Variants in GPA33 observed in about 807,000 individuals in gnomAD.
GPA33 encodes the protein glycoprotein A33.
In GPA33, 27 loss-of-function variants were observed where a neutral mutation model predicts 35.6. The ratio of observed to expected loss-of-function variants is 0.76; its 90% CI spans 0.56 to 1.04. The LOEUF is 1.04. Among genes scored for constraint, GPA33 ranks in the 50% least tolerant of loss-of-function variants. The pLI is 0.00. For missense variants in GPA33, 428 were observed against 411.9 expected (o/e 1.04, Z -0.34); for synonymous variants, 176 against 164.0 (o/e 1.07, Z -0.56).
chr1:167,066,465 G>A (rs3767430), intron 3 of GPA33, among the ~76,000 whole-genome samples: 60,486 of 152,002 alleles, frequency 0.4, 13,748 homozygotes, highest in South Asian at 0.6. Context: ...GGCGGAATGT[G>A]TCAGTTCCCA....
intron 2 of GPA33, among the ~76,000 whole-genome samples, chr1:167,069,826 A>G (rs1366324934): frequency 6.6e-6 from 1 of 152,250 alleles, no homozygotes; most frequent in Non-Finnish European, 1.5e-5. Flanking sequence ...CAGTAGTAAT[A>G]TACACAAAGC....
At chr1:167,056,568 T>TGTGTA (rs1269712448) in intron 4 of GPA33, among the ~76,000 whole-genome samples, 4 of 67,538 alleles carry the variant, frequency 5.9e-5, no homozygotes, top group East Asian at 4.4e-4. Context: ...TGGTATGTGG[T>TGTGTA]GTGTGTGGCA....
chr1:167,090,324 A>G lies in GPA33; in HGVS notation c.-37T>C, dbSNP rs755395078. ...TTCTCTGCCCTAAACCTAACCTGTC[A>G]CTGGCAGCCTCCAGACAGGTCTGAG... On this transcript the variant is annotated 5_prime_UTR_variant, in exon 1 of 7. Coordinates refer to ENST00000367868, the MANE Select transcript of GPA33 (RefSeq NM_005814.3). 3.2e-6 allele frequency: 5 copies of G among 1,581,204 alleles called. No individual in the cohort carries two copies. The South Asian group carries it at 5.5e-5, about 18-fold the overall frequency.
intron 1 of GPA33, among the ~76,000 whole-genome samples, chr1:167,086,149 G>A (rs1055779572): frequency 6.6e-6 from 1 of 152,234 alleles, no homozygotes; most frequent in African/African-American, 2.4e-5. Context: ...TGACAGGGAG[G>A]CAATGTGATT....
At chr1:167,089,560 C>T (rs763810184) in intron 1 of GPA33, among the ~76,000 whole-genome samples, 3 of 152,220 alleles carry the variant, frequency 2.0e-5, no homozygotes, top group Non-Finnish European at 4.4e-5. Flanking sequence ...AACCCTTAGA[C>T]ACTCCATAGG....
chr1:167,086,970 C>G (rs1667061823), intron 1 of GPA33, among the ~76,000 whole-genome samples: 1 of 152,078 alleles, frequency 6.6e-6, no homozygotes, highest in South Asian at 2.1e-4. Flanking sequence ...CTTTTGTCTC[C>G]TGGAGCTTGC....
chr1:167,068,703 C>T (rs1302898069), intron 3 of GPA33, among the ~76,000 whole-genome samples: 1 of 152,242 alleles, frequency 6.6e-6, no homozygotes, highest in Non-Finnish European at 1.5e-5. Flanking sequence ...AGTCGGCCTT[C>T]TCTGTCCTCG....
chr1:167,067,742 C>T (rs529087791), intron 3 of GPA33, among the ~76,000 whole-genome samples: 2 of 152,140 alleles, frequency 1.3e-5, no homozygotes, highest in South Asian at 2.1e-4. Context: ...TGCTGTTAAT[C>T]GGTAGATCTG....
Position 167,061,353 on chromosome 1 carries a change from C to T in GPA33, c.571+2229G>A, listed in dbSNP as rs535289024. On this transcript the variant is annotated intron_variant, in intron 4 of 6. Transcript: ENST00000367868. ...TTGCAGGAAAGAAGATCAGACACTA[C>T]CAGTGTCCACAGCACACCTACCATG... Among the ~76,000 whole-genome samples, 15 of 152,288 alleles carry T rather than the reference C, an allele frequency of 9.8e-5. No homozygotes were observed. The South Asian group carries it at 2.5e-3, about 25-fold the overall frequency.
chr1:167,071,297 G>A (rs1666713982), intron 2 of GPA33, among the ~76,000 whole-genome samples: 1 of 152,166 alleles, frequency 6.6e-6, no homozygotes, highest in African/African-American at 2.4e-5. Context: ...GAAATAAGAT[G>A]GCTGAATGAA....
rs1196213531 is a variant in GPA33 at position 167,084,694 on chromosome 1, G to A, written c.43+5551C>T. Among the ~76,000 whole-genome samples the A allele has an allele frequency of 2.6e-5, 4 of 152,198 alleles. No homozygotes were observed. The East Asian group carries it at 7.7e-4, about 29-fold the overall frequency. Reference sequence around the variant, plus strand: ...GAGGAATTAGACTATATACCAGCTTGTTAGCCAGTGAGTGCACCACCTTGG... The same window carrying A: ...GAGGAATTAGACTATATACCAGCTTATTAGCCAGTGAGTGCACCACCTTGG... On this transcript the variant is annotated intron_variant, in intron 1 of 6. Transcript: ENST00000367868.
chr1:167,065,032 G>A (rs1666561670), intron 3 of GPA33, among the ~76,000 whole-genome samples: 1 of 152,166 alleles, frequency 6.6e-6, no homozygotes, highest in Admixed American at 6.5e-5. Flanking sequence ...GCTTAAGCCT[G>A]TGCCTTTCAC....
At chr1:167,073,675 A>G (rs2102192166) in intron 1 of GPA33, 136 bp from the exon 2 acceptor site, 1 of 733,696 alleles carries the variant, frequency 1.4e-6, no homozygotes, top group South Asian at 1.9e-5. Context: ...CATCTTGGCC[A>G]CCTTGGCCCT....
At chr1:167,062,619 G>A (rs578091992) in intron 4 of GPA33, among the ~76,000 whole-genome samples, 1 of 147,738 alleles carries the variant, frequency 6.8e-6, no homozygotes, top group African/African-American at 2.5e-5. Context: ...GTGTGGAAAG[G>A]ATGGTAGGAT....
At chr1:167,078,091 T>C (rs1050587061) in intron 1 of GPA33, among the ~76,000 whole-genome samples, 2 of 152,212 alleles carry the variant, frequency 1.3e-5, no homozygotes, top group Admixed American at 6.5e-5. Flanking sequence ...AGGATGGTGT[T>C]TTCCTTGGCT....
In GPA33 at chr1:167,090,329, C is replaced by T. The variant is rs764355342; in HGVS notation, c.-42G>A. ...TGCCCTAAACCTAACCTGTCACTGG[C>T]AGCCTCCAGACAGGTCTGAGCTGTC... On this transcript the variant is annotated 5_prime_UTR_variant, in exon 1 of 7. Coordinates refer to ENST00000367868, the MANE Select transcript of GPA33 (RefSeq NM_005814.3). 1.3e-6 allele frequency: 2 copies of T among 1,559,816 alleles called. No individual in the cohort carries two copies. Among genetic ancestry groups the T allele is most frequent in the Admixed American group, 3.3e-5 (2 of 59,840 alleles).
chr1:167,054,561 C>T (rs1053951999), intron 6 of GPA33, 95 bp from the exon 7 acceptor site: 1 of 1,475,788 alleles, frequency 6.8e-7, no homozygotes, highest in Admixed American at 1.8e-5. Flanking sequence ...GAGCAGCCTC[C>T]AGACCTCCTC....
At chr1:167,074,907 T>C (rs979291190) in intron 1 of GPA33, among the ~76,000 whole-genome samples, 1 of 44,738 alleles carries the variant, frequency 2.2e-5, no homozygotes, top group East Asian at 3.0e-4. Flanking sequence ...TTTGACTTAC[T>C]TTTTTTTTTT....
intron 1 of GPA33, among the ~76,000 whole-genome samples, chr1:167,075,541 CA>C (rs959069285): frequency 5.9e-5 from 9 of 152,146 alleles, no homozygotes; most frequent in African/African-American, 2.2e-4. Flanking sequence ...GAGGAAGTTT[CA>C]GGGGGCAGAT....
Sources: gnomAD v4.1 joint callset for allele counts (sites outside exome capture counted in the v4.1 genomes callset) on GRCh38, gnomAD v4.1.1 for gene constraint, MANE v1.5 for transcripts, NCBI Gene and HGNC (gene_info 2026-07-23, HGNC 2026-07-21) for gene names.